Variants in PSD observed in about 807,000 individuals in gnomAD.
PSD encodes the protein PH and SEC7 domain-containing protein 1.
PSD carries 32 observed loss-of-function variants against 91.6 expected under a neutral mutation model. The observed-to-expected ratio is 0.35, with a 90% CI of 0.26 to 0.47. The LOEUF is 0.47. PSD is among the 20% of genes least tolerant of loss of function. The pLI, the probability that PSD is intolerant of heterozygous loss-of-function variation, is 1.00. For synonymous variants in PSD, 532 were observed against 569.3 expected (o/e 0.93, Z 0.93); for missense variants, 1,099 against 1,373.9 (o/e 0.80, Z 3.16).
chr10:102,404,205 A>G lies in PSD; in HGVS notation c.2701-220T>C, dbSNP rs895859743. ...CTACTAAAAATATAAAAAATTAGCC[A>G]GGCGTGGTGGCAGGTGCCTGTAGTC... On this transcript the variant is annotated intron_variant, in intron 15 of 16. Coordinates refer to ENST00000020673, the MANE Select transcript of PSD (RefSeq NM_002779.5). This position sits in a 1 kb window ranked among gnomAD's most constrained non-coding sequence, Gnocchi z 5.7. Among the ~76,000 whole-genome samples the G allele has an allele frequency of 3.9e-5, 6 of 152,080 alleles. No individual in the cohort carries two copies. The highest frequency in any genetic ancestry group is 7.4e-5 in the Non-Finnish European group (5 of 67,998).
Position 102,404,209 on chromosome 10 carries a change from G to C in PSD, c.2701-224C>G, listed in dbSNP as rs572105415. The stretch of plus-strand genomic sequence containing the variant: ...TAAAAATATAAAAAATTAGCCAGGC[G>C]TGGTGGCAGGTGCCTGTAGTCCCAG... On this transcript the variant is annotated intron_variant, in intron 15 of 16. Coordinates refer to ENST00000020673, the MANE Select transcript of PSD (RefSeq NM_002779.5). The surrounding 1 kb of genome is among the most constrained non-coding windows in gnomAD (Gnocchi z 5.7). Among the ~76,000 whole-genome samples the C allele has an allele frequency of 1.3e-5, 2 of 152,262 alleles. No individual in the cohort carries two copies. The highest frequency in any genetic ancestry group is 4.2e-4 in the South Asian group (2 of 4,816).
Position 102,409,017 on chromosome 10 carries a change from G to A in PSD, c.2092-1751C>T, listed in dbSNP as rs2061395859. On this transcript the variant is annotated intron_variant, in intron 10 of 16. Transcript: ENST00000020673. The surrounding 1 kb of genome is among the most constrained non-coding windows in gnomAD (Gnocchi z 5.7). ...AGGGTCTCCGCGCCGCGGTGGGTGCGCCCGTAGCGCACGGAGCACAGCGAG... is the reference window on the plus strand; with the variant it reads ...AGGGTCTCCGCGCCGCGGTGGGTGCACCCGTAGCGCACGGAGCACAGCGAG... The A allele has an allele frequency of 2.0e-6, 2 of 986,858 alleles. No individual in the cohort carries two copies. The highest frequency in any genetic ancestry group is 3.5e-5 in the African/African-American group (2 of 57,282). The allele number at this position is 986,858 out of a possible 1,614,324, so 61.1% of individuals were successfully genotyped here.
intron 10 of PSD, chr10:102,408,759 T>G: frequency 5.1e-6 from 2 of 389,410 alleles, no homozygotes; most frequent in Non-Finnish European, 7.0e-6. Context: ...CCCCAGCCCG[T>G]GCCCGCCTCT....
chr10:102,417,845 A>G (rs2061500630), intron 1 of PSD, among the ~76,000 whole-genome samples: 1 of 151,668 alleles, frequency 6.6e-6, no homozygotes, highest in Non-Finnish European at 1.5e-5. Context: ...AATAGCTTGG[A>G]TTACAGGCGC....
Position 102,410,620 on chromosome 10 carries a change from C to T in PSD, c.2091+238G>A, listed in dbSNP as rs2061415590. Among the ~76,000 whole-genome samples, 1 of 152,206 alleles carries T rather than the reference C, an allele frequency of 6.6e-6. No homozygotes were observed. Among genetic ancestry groups the T allele is most frequent in the Admixed American group, 6.5e-5 (1 of 15,290 alleles). On this transcript the variant is annotated intron_variant, in intron 10 of 16. Transcript: ENST00000020673. This position sits in a 1 kb window ranked among gnomAD's most constrained non-coding sequence, Gnocchi z 6.0. ...TGCTCGCGTTTTCCAGAGCCGGGTC[C>T]CCTCCCCCGCCGTGCGCAGTCGCGA...
Position 102,410,982 on chromosome 10 carries a change from G to A in PSD, c.2002-35C>T, listed in dbSNP as rs1417541070. ...GGAACGGAGGCCTGTGAGTTTGGAG[G>A]GCCCTTGGCCTCCCAGGTCCTGCAT... On this transcript the variant is annotated intron_variant, in intron 9 of 16. Transcript: ENST00000020673. The surrounding 1 kb of genome is among the most constrained non-coding windows in gnomAD (Gnocchi z 6.0). 26 of 1,611,734 alleles carry A rather than the reference G, an allele frequency of 1.6e-5. No individual in the cohort carries two copies. Among genetic ancestry groups the A allele is most frequent in the Admixed American group, 5.0e-5 (3 of 60,020 alleles).
rs1378431053 is a variant in PSD at position 102,404,357 on chromosome 10, A to G, written c.2700+226T>C. ...AGCGAGACTCCATCTCAAAAAAAAA[A>G]AAAAAAAAGATGCCCCTTCCTTTGG... is the stretch of plus-strand genomic sequence containing the variant. On this transcript the variant is annotated intron_variant, in intron 15 of 16. Transcript: ENST00000020673. This position sits in a 1 kb window ranked among gnomAD's most constrained non-coding sequence, Gnocchi z 5.7. Among the ~76,000 whole-genome samples, 3 of 151,852 alleles carry G rather than the reference A, an allele frequency of 2.0e-5. No homozygotes were observed. The highest frequency in any genetic ancestry group is 4.4e-5 in the Non-Finnish European group (3 of 67,940).
rs748383442 is a variant in PSD, at chr10:102,403,405, G to A, written c.2870C>T (p.Ala957Val). 3 of 1,612,320 alleles carry A rather than the reference G, an allele frequency of 1.9e-6. No homozygotes were observed. Among genetic ancestry groups the A allele is most frequent in the African/African-American group, 1.3e-5 (1 of 74,908 alleles). ...TGCCTTCAGCTTGACCCGAAGCAGC[G>A]CTGCATAGGTGCTGTAGCGGGATTT... ...FEKSRYSTYAALLRVKLKAGS... is the reference protein window; with the variant it reads ...FEKSRYSTYAVLLRVKLKAGS... Residue 957 changes from alanine to valine, a missense_variant, in exon 17 of 17, where the codon GCG becomes GTG. Around this residue, in one of 3 missense-constraint regions of PSD, gnomAD observed 358 missense variants for 426.5 expected, o/e 0.84. Coordinates refer to ENST00000020673, the MANE Select transcript of PSD (RefSeq NM_002779.5). This position sits in a 1 kb window ranked among gnomAD's most constrained non-coding sequence, Gnocchi z 6.7.
rs2061433114 is a variant in PSD, at chr10:102,412,302, C to T, written c.1749-75G>A. On this transcript the variant is annotated intron_variant, in intron 6 of 16. Transcript: ENST00000020673. The stretch of plus-strand genomic sequence containing the variant: ...GGTCAGGTGGGGATTACCCAATGAC[C>T]AGGGGACATTAGATGGAGAGCTGCC... 4.3e-6 allele frequency: 7 copies of T among 1,611,214 alleles called. No homozygotes were observed. The African/African-American group carries it at 5.3e-5, about 12-fold the overall frequency.
In PSD at chr10:102,405,158, C is replaced by G. The variant is rs372509786; in HGVS notation, c.2397+25G>C. ...CCCACCAGCCAACTCAGTCCCAGCC[C>G]CAGCCCCCTGGCCTGACCCCGCACC... On this transcript the variant is annotated intron_variant, in intron 13 of 16. Coordinates refer to ENST00000020673, the MANE Select transcript of PSD (RefSeq NM_002779.5). This position sits in a 1 kb window ranked among gnomAD's most constrained non-coding sequence, Gnocchi z 5.4. 4.3e-6 allele frequency: 7 copies of G among 1,610,938 alleles called. No homozygotes were observed. The highest frequency in any genetic ancestry group is 5.1e-6 in the Non-Finnish European group (6 of 1,179,764).
upstream of PSD, chr10:102,419,825 C>T (rs531722012): frequency 5.0e-6 from 1 of 201,290 alleles, no homozygotes; most frequent in South Asian, 5.2e-5. The surrounding 1 kb of genome is among the most constrained non-coding windows in gnomAD (Gnocchi z 4.8). Flanking sequence ...GTCCTCCCAG[C>T]TACCCCCTCC....
Position 102,416,445 on chromosome 10 carries a change from G to T in PSD, c.594C>A (p.Gly198=), listed in dbSNP as rs779243165. Residue 198 remains glycine, a synonymous_variant, in exon 2 of 17, where the codon GGC becomes GGA. Coordinates refer to ENST00000020673, the MANE Select transcript of PSD (RefSeq NM_002779.5). This position sits in a 1 kb window ranked among gnomAD's most constrained non-coding sequence, Gnocchi z 6.0. ...AGAGTGTGGCCAGGCGCTCAGGGGG[G>T]CCCCCCAGCCCATTGGGGAGAGAGG... is the stretch of plus-strand genomic sequence containing the variant. The part of the protein sequence containing the change: ...LYSSLPNGLG[G]PPERLATLFG... The T allele has an allele frequency of 1.9e-6, 3 of 1,612,110 alleles. No individual in the cohort carries two copies. The highest frequency in any genetic ancestry group is 1.1e-5 in the South Asian group (1 of 90,704).
chr10:102,411,205 C>T (rs116531486), intron 8 of PSD, 89 bp from the exon 9 acceptor site: 14 of 1,350,514 alleles, frequency 1.0e-5, no homozygotes, highest in Non-Finnish European at 1.4e-5. Context: ...ATCCCCACCC[C>T]CTTTGGCCGG....
Position 102,405,332 on chromosome 10 carries a change from A to C in PSD, c.2326+14T>G. 1 of 1,608,406 alleles carries C rather than the reference A, an allele frequency of 6.2e-7. No homozygotes were observed. The highest frequency in any genetic ancestry group is 8.5e-7 in the Non-Finnish European group (1 of 1,178,058). Reference sequence around the variant, plus strand: ...ATCCCCTAGACGCCCGCCCCCCGCAACTCGGCCACATACTCTTCCTGCAGT... The same window carrying C: ...ATCCCCTAGACGCCCGCCCCCCGCACCTCGGCCACATACTCTTCCTGCAGT... On this transcript the variant is annotated intron_variant, in intron 12 of 16. Transcript: ENST00000020673. The surrounding 1 kb of genome is among the most constrained non-coding windows in gnomAD (Gnocchi z 5.4).
At chr10:102,411,230 C>T in intron 8 of PSD, 114 bp from the exon 9 acceptor site, 1 of 907,052 alleles carries the variant, frequency 1.1e-6, no homozygotes, top group Non-Finnish European at 1.7e-6. Context: ...TTCCTACCTC[C>T]TGAACCCCGC....
In PSD at chr10:102,410,790, G is replaced by T; in HGVS notation, c.2091+68C>A. The T allele has an allele frequency of 1.7e-6, 2 of 1,187,210 alleles. No individual in the cohort carries two copies. Among genetic ancestry groups the T allele is most frequent in the Non-Finnish European group, 2.5e-6 (2 of 794,464 alleles). 73.5% of individuals were successfully genotyped at this position (1,187,210 alleles called of 1,614,324 possible). A position where few individuals can be genotyped will look rare whatever the true frequency, so the allele number is the denominator to read the frequency against. ...CCAGCCCTGCCCTCCCTCCGACTCTGGACTCCGTCGCCGACTGGGTCCTCC... is the reference window on the plus strand; with the variant it reads ...CCAGCCCTGCCCTCCCTCCGACTCTTGACTCCGTCGCCGACTGGGTCCTCC... On this transcript the variant is annotated intron_variant, in intron 10 of 16. Coordinates refer to ENST00000020673, the MANE Select transcript of PSD (RefSeq NM_002779.5). This position sits in a 1 kb window ranked among gnomAD's most constrained non-coding sequence, Gnocchi z 6.0.
rs2061308737 is a variant in PSD at position 102,403,365 on chromosome 10, C to T, written c.2910G>A (p.Leu970=). ...GGGCCAGTGCTGCCTCCACTGCATC[C>T]AGCTCCTCACTGCCTGCCTTCAGCT... ...RVKLKAGSEE[L]DAVEAALAQA... is the part of the protein sequence containing the mutation. Residue 970 remains leucine, a synonymous_variant, in exon 17 of 17, where the codon CTG becomes CTA. Transcript: ENST00000020673. This position sits in a 1 kb window ranked among gnomAD's most constrained non-coding sequence, Gnocchi z 6.7. 1.9e-6 allele frequency: 3 copies of T among 1,614,038 alleles called. No homozygotes were observed. The Admixed American group carries it at 5.0e-5, about 27-fold the overall frequency.
chr10:102,417,707 CTTTTTTTT>C (rs5787453), intron 1 of PSD, among the ~76,000 whole-genome samples: 2 of 122,940 alleles, frequency 1.6e-5, no homozygotes, highest in African/African-American at 6.2e-5. Context: ...GGACATTCTT[CTTTTTTTT>C]TTTTTTTTTT....
chr10:102,415,261 G>T (rs1267724304), intron 3 of PSD, 32 bp from the exon 4 acceptor site: 15 of 1,561,538 alleles, frequency 9.6e-6, no homozygotes, highest in African/African-American at 1.4e-5. Flanking sequence ...AGGTCAGGAG[G>T]TTATCCACGT....
Sources: gnomAD v4.1 joint callset for allele counts (sites outside exome capture counted in the v4.1 genomes callset) on GRCh38, gnomAD v4.1.1 for gene constraint, gnomAD v4.1.1 regional missense constraint, Gnocchi (gnomAD v3.1) non-coding constraint, MANE v1.5 for transcripts, NCBI Gene and HGNC (gene_info 2026-07-23, HGNC 2026-07-21) for gene names.